The following MAP4K4 variants were observed in gnomAD, a reference collection of about 807,000 sequenced individuals.
MAP4K4 encodes mitogen-activated protein kinase kinase kinase kinase 4, also known as HPK/GCK-like kinase HGK.
MAP4K4 carries 38 observed loss-of-function variants against 189.6 expected under a neutral mutation model. The observed-to-expected ratio is 0.20, with a 90% confidence interval of 0.15 to 0.26. The LOEUF (loss-of-function observed/expected upper bound fraction) is 0.26. MAP4K4 is among the 10% of genes least tolerant of loss of function. The pLI is 1.00. For missense variants in MAP4K4, 1,054 were observed against 1,726.9 expected (o/e 0.61, Z 6.91); for synonymous variants, 610 against 624.3 (o/e 0.98, Z 0.34).
At chr2:101,853,533 A>G (rs994714205) in intron 12 of MAP4K4, among the ~76,000 whole-genome samples, 2 of 152,174 alleles carry the variant, frequency 1.3e-5, no homozygotes, top group Non-Finnish European at 2.9e-5. Context: ...TCAATCCAGG[A>G]TGTCCAACTT....
At chr2:101,770,282 C>G (rs1416606704) in intron 2 of MAP4K4, among the ~76,000 whole-genome samples, 4 of 105,594 alleles carry the variant, frequency 3.8e-5, no homozygotes, top group South Asian at 6.3e-4. Context: ...GAGTTTCGCT[C>G]TTGTCGCCCG....
At chr2:101,746,758 G>A (rs1056885135) in intron 2 of MAP4K4, among the ~76,000 whole-genome samples, 1 of 152,146 alleles carries the variant, frequency 6.6e-6, no homozygotes, top group Non-Finnish European at 1.5e-5. Flanking sequence ...CAAATGTGGA[G>A]CTGTTTCCTT....
intron 2 of MAP4K4, among the ~76,000 whole-genome samples, chr2:101,720,486 C>G (rs2051195881): frequency 6.6e-6 from 1 of 152,102 alleles, no homozygotes; most frequent in African/African-American, 2.4e-5. Context: ...CTATGCATCT[C>G]CCTCGTTTTT....
chr2:101,844,405 C>G (rs990795802), intron 12 of MAP4K4, 94 bp downstream of exon 12: 2 of 1,014,068 alleles, frequency 2.0e-6, no homozygotes, highest in Admixed American at 4.8e-5. Flanking sequence ...TCTGTAGCTT[C>G]CTGGGGTAAT....
chr2:101,735,308 A>G (rs2059927198), intron 2 of MAP4K4, among the ~76,000 whole-genome samples: 1 of 152,148 alleles, frequency 6.6e-6, no homozygotes, highest in African/African-American at 2.4e-5. Context: ...CTTCTGACTA[A>G]TCATTTTCAC....
chr2:101,796,845 G>C (rs1262979854), intron 3 of MAP4K4, among the ~76,000 whole-genome samples: 3 of 152,182 alleles, frequency 2.0e-5, no homozygotes, highest in East Asian at 1.9e-4. Context: ...ATGTTCCATG[G>C]ATATGTGGAA....
Position 101,856,023 on chromosome 2 carries a change from A to G in MAP4K4, c.1280A>G (p.Gln427Arg). Residue 427 changes from glutamine (Q) to arginine (R), a missense_variant, in exon 13 of 33, where the codon CAG becomes CGG. Around this residue, in one of 4 missense-constraint regions of MAP4K4, gnomAD observed 646 missense variants for 796.2 expected, o/e 0.81. Coordinates refer to ENST00000324219, the Ensembl canonical transcript of MAP4K4. ...GCTAGAAGGCAGCAGGAACGTGAAC[A>G]GCGAAGGAGAGAACAAGAAGAAAAG... 1.3e-6 allele frequency: 2 copies of G among 1,551,844 alleles called. No homozygotes were observed. Among genetic ancestry groups the G allele is most frequent in the Non-Finnish European group, 8.7e-7 (1 of 1,146,994 alleles).
intron 27 of MAP4K4, among the ~76,000 whole-genome samples, chr2:101,877,873 C>T (rs2098257156): frequency 6.6e-6 from 1 of 152,160 alleles, no homozygotes; most frequent in African/African-American, 2.4e-5. Context: ...CCTCAGCCTC[C>T]CGAGTAGCTG....
chr2:101,876,914 TCCAAATAGA>T (rs1340762588), intron 26 of MAP4K4, 80 bp from the exon 27 acceptor site: 2 of 1,352,032 alleles, frequency 1.5e-6, no homozygotes, highest in Non-Finnish European at 1.0e-6. Context: ...TACACTTTTT[TCCAAATAGA>T]TGATGTTATC....
intron 2 of MAP4K4, among the ~76,000 whole-genome samples, chr2:101,784,743 A>G (rs1474140812): frequency 2.0e-5 from 3 of 152,196 alleles, no homozygotes; most frequent in Non-Finnish European, 2.9e-5. Flanking sequence ...GTTTGATTAT[A>G]TCTATTAAAA....
At chr2:101,706,177 T>C (rs2042213609) in intron 2 of MAP4K4, among the ~76,000 whole-genome samples, 1 of 152,204 alleles carries the variant, frequency 6.6e-6, no homozygotes, top group African/African-American at 2.4e-5. Context: ...AGCTGCTACA[T>C]CTGAAATTTA....
At chr2:101,702,776 A>AG (rs998039807) in intron 2 of MAP4K4, among the ~76,000 whole-genome samples, 54 of 152,192 alleles carry the variant, frequency 3.5e-4, no homozygotes, top group African/African-American at 1.3e-3. Context: ...CATTGGAGGA[A>AG]GGGTACAATG....
At chr2:101,828,962 A>G (rs896516215) in intron 5 of MAP4K4, among the ~76,000 whole-genome samples, 2 of 152,226 alleles carry the variant, frequency 1.3e-5, no homozygotes, top group African/African-American at 4.8e-5. Flanking sequence ...ACTTTATTTG[A>G]ACACAAGGCT....
chr2:101,704,337 C>A (rs997648329), intron 2 of MAP4K4, among the ~76,000 whole-genome samples: 7 of 152,008 alleles, frequency 4.6e-5, no homozygotes, highest in Admixed American at 2.6e-4. Flanking sequence ...TCAACCCTTA[C>A]TTTCAAAAAC....
exon 33 of MAP4K4, chr2:101,892,671 C>T: frequency 6.1e-6 from 2 of 325,764 alleles, no homozygotes; most frequent in South Asian, 4.8e-5. Context: ...TGGGCATCTT[C>T]TGTGTTTTAG....
intron 3 of MAP4K4, among the ~76,000 whole-genome samples, chr2:101,820,999 C>G (rs1240916744): frequency 6.6e-6 from 1 of 151,874 alleles, no homozygotes; most frequent in East Asian, 1.9e-4. Context: ...GAATAAAGTT[C>G]CTTTGAAGCA....
chr2:101,753,755 A>G (rs1190934577), intron 2 of MAP4K4, among the ~76,000 whole-genome samples: 1 of 152,092 alleles, frequency 6.6e-6, no homozygotes, highest in Non-Finnish European at 1.5e-5. Context: ...CATTATAGAA[A>G]CTACCAAGGG....
chr2:101,784,292 G>A (rs866478793), intron 2 of MAP4K4, among the ~76,000 whole-genome samples: 2 of 144,026 alleles, frequency 1.4e-5, no homozygotes, highest in Admixed American at 6.9e-5. Context: ...GTGTGTATGT[G>A]TGTGTGTGTG....
intron 12 of MAP4K4, among the ~76,000 whole-genome samples, chr2:101,850,692 A>G (rs1453279931): frequency 6.6e-6 from 1 of 152,244 alleles, no homozygotes; most frequent in Non-Finnish European, 1.5e-5. Context: ...TCAAGCTAGC[A>G]GCTCAGTTGG....
Sources: allele counts gnomAD v4.1 joint callset (sites outside exome capture counted in the v4.1 genomes callset), GRCh38; gene constraint gnomAD v4.1.1; regional missense constraint gnomAD v4.1.1; transcripts MANE v1.5; gene names NCBI Gene and HGNC (gene_info 2026-07-23, HGNC 2026-07-21).